BRD4: variants seen among roughly 807,000 people sequenced by gnomAD.
The protein encoded by BRD4 is bromodomain-containing protein 4.
In BRD4, 16 loss-of-function variants were observed where a neutral mutation model predicts 142.1. The ratio of observed to expected loss-of-function variants is 0.11; its 90% CI spans 0.08 to 0.17. BRD4 has a LOEUF of 0.17. Among genes scored for constraint, BRD4 ranks in the 10% least tolerant of loss-of-function variants. The pLI is 1.00. For synonymous variants in BRD4, 833 were observed against 707.5 expected (o/e 1.18, Z -2.82); for missense variants, 1,424 against 1,810.9 (o/e 0.79, Z 3.88).
Position 15,255,531 on chromosome 19 carries a change from C to T in BRD4, c.1813G>A (p.Asp605Asn), listed in dbSNP as rs781402904. 4 of 1,613,874 alleles carry T rather than the reference C, an allele frequency of 2.5e-6. No individual in the cohort carries two copies. Among genetic ancestry groups the T allele is most frequent in the South Asian group, 1.1e-5 (1 of 91,080 alleles). The change falls in exon 10 of 20, where the codon GAC (aspartate) becomes AAC (asparagine). Residue 605 changes from aspartate (D) to asparagine (N), a missense_variant. Asp to Asn is a conservative substitution (Grantham distance 23). Transcript: ENST00000679869. ...PPPTYESEEEDKCKPMSYEEK... is the reference protein window; with the variant it reads ...PPPTYESEEENKCKPMSYEEK... ...TCATAGGACATAGGCTTGCACTTGT[C>T]CTCTTCCTCCGACTCATACGTGGGA...
In BRD4 at chr19:15,238,332, C is replaced by G. The variant is rs1180608089; in HGVS notation, c.*45G>C. On this transcript the variant is annotated 3_prime_UTR_variant, in exon 20 of 20. Transcript: ENST00000679869. The surrounding 1 kb of genome is among the most constrained non-coding windows in gnomAD (Gnocchi z 7.2). ...CACCGCCCCTAACACTATGGAAAGT[C>G]AATGTTTTGCCAGAAAATCAAAGTC... 2 of 1,612,564 alleles carry G rather than the reference C, an allele frequency of 1.2e-6. No individual in the cohort carries two copies. The highest frequency in any genetic ancestry group is 1.3e-5 in the African/African-American group (1 of 74,900).
intron 1 of BRD4, among the ~76,000 whole-genome samples, chr19:15,315,777 A>G (rs2048012063): frequency 6.6e-6 from 1 of 150,726 alleles, no homozygotes; most frequent in African/African-American, 2.4e-5. Context: ...AATCACTTGA[A>G]CCCGGGAGGT....
intron 7 of BRD4, among the ~76,000 whole-genome samples, chr19:15,258,588 A>T (rs1465512728): frequency 6.6e-6 from 1 of 151,860 alleles, no homozygotes; most frequent in Non-Finnish European, 1.5e-5. Flanking sequence ...CTGGCCCAAT[A>T]ACTTTTTTCT....
chr19:15,288,630 AC>A (rs2047758024), intron 1 of BRD4, among the ~76,000 whole-genome samples: 1 of 152,188 alleles, frequency 6.6e-6, no homozygotes, highest in Non-Finnish European at 1.5e-5. Flanking sequence ...CCTTGTTTTT[AC>A]CAAAGCAGCC....
rs2047393010 is a variant in BRD4 at position 15,255,163 on chromosome 19, T to C, written c.2047+134A>G. ...TGTCACAACCTTTCGGAGGTTTCTG[T>C]GTCAAGAACACAGATATTATAATTG... On this transcript the variant is annotated intron_variant, in intron 10 of 19. Coordinates refer to ENST00000679869, the MANE Select transcript of BRD4 (RefSeq NM_001379291.1). 5 of 889,538 alleles carry C rather than the reference T, an allele frequency of 5.6e-6. No homozygotes were observed. In the East Asian group the frequency reaches 1.3e-4, roughly 24 times the overall value. 55.1% of individuals were successfully genotyped at this position (889,538 alleles called of 1,614,324 possible). A position where few individuals can be genotyped will look rare whatever the true frequency, so the allele number is the denominator to read the frequency against.
At chr19:15,328,432 A>C (rs180935982) in intron 1 of BRD4, among the ~76,000 whole-genome samples, 129 of 152,286 alleles carry the variant, frequency 8.5e-4, no homozygotes, top group African/African-American at 3.1e-3. Context: ...ACCGCACTTC[A>C]AACTGCTAAG....
At chr19:15,316,607 G>GA (rs1214839843) in intron 1 of BRD4, among the ~76,000 whole-genome samples, 7 of 152,152 alleles carry the variant, frequency 4.6e-5, no homozygotes, top group South Asian at 2.1e-4. Context: ...AAAAGAAAAA[G>GA]AAAAAGAAAA....
intron 1 of BRD4, among the ~76,000 whole-genome samples, chr19:15,302,187 T>C (rs536623487): frequency 1.3e-5 from 2 of 151,624 alleles, no homozygotes; most frequent in Admixed American, 1.3e-4. Context: ...AAGGGGAATT[T>C]TATTGCATAT....
In BRD4 at chr19:15,237,666, G is replaced by A. The variant is rs1403777618; in HGVS notation, c.*711C>T. Reference sequence around the variant, plus strand: ...AACGAAACAGAAACACAGGTGGGAAGGAACTGACTTTGGTTGGTGGCCTCA... The same window carrying A: ...AACGAAACAGAAACACAGGTGGGAAAGAACTGACTTTGGTTGGTGGCCTCA... On this transcript the variant is annotated 3_prime_UTR_variant, in exon 20 of 20. Coordinates refer to ENST00000679869, the MANE Select transcript of BRD4 (RefSeq NM_001379291.1). 4.3e-6 allele frequency: 1 copy of A among 232,296 alleles called. No homozygotes were observed. Among genetic ancestry groups the A allele is most frequent in the East Asian group, 6.0e-5 (1 of 16,538 alleles). The allele number at this position is 232,296 out of a possible 1,614,324, so 14.4% of individuals were successfully genotyped here.
Position 15,268,849 on chromosome 19 carries a change from C to T in BRD4, c.423+56G>A, listed in dbSNP as rs545738433. On this transcript the variant is annotated intron_variant, in intron 3 of 19. Coordinates refer to ENST00000679869, the MANE Select transcript of BRD4 (RefSeq NM_001379291.1). ...CACGGGCTCCTGACATGCCCACTGC[C>T]GTCGCCTCCCCTCCTCTCTCCCCAG... 1.6e-4 allele frequency: 253 copies of T among 1,598,818 alleles called. 1 individual carries two copies. In the East Asian group the frequency reaches 5.0e-3, roughly 31 times the overall value.
At chr19:15,303,006 G>A (rs1249041380) in intron 1 of BRD4, among the ~76,000 whole-genome samples, 42 of 100,096 alleles carry the variant, frequency 4.2e-4, no homozygotes, top group Non-Finnish European at 7.4e-4. Context: ...AGACTCCGTC[G>A]CAAAAAAAAA....
chr19:15,274,999 C>T (rs557803810), intron 1 of BRD4, among the ~76,000 whole-genome samples: 1 of 152,146 alleles, frequency 6.6e-6, no homozygotes, highest in East Asian at 1.9e-4. Context: ...GCTAGGATTA[C>T]AGGCGTGTGC....
At position 15,235,702 on chromosome 19, in the gene BRD4, G is replaced by A. The variant is rs995329728; in HGVS notation, c.*2675C>T. On this transcript the variant is annotated 3_prime_UTR_variant, in exon 20 of 20. Coordinates refer to ENST00000679869, the MANE Select transcript of BRD4 (RefSeq NM_001379291.1). ...AAGCGATCCGTGCATACAGTACAGTGGGGGCTTGTACACACCTCTTACTCT... is the reference window on the plus strand; with the variant it reads ...AAGCGATCCGTGCATACAGTACAGTAGGGGCTTGTACACACCTCTTACTCT... 5 of 152,176 alleles carry A rather than the reference G, an allele frequency of 3.3e-5. No homozygotes were observed. Among genetic ancestry groups the A allele is most frequent in the African/African-American group, 1.2e-4 (5 of 41,450 alleles). 9.4% of individuals were successfully genotyped at this position (152,176 alleles called of 1,614,324 possible).
At chr19:15,267,583 G>A in intron 3 of BRD4, 32 bp from the exon 4 acceptor site, 3 of 1,606,904 alleles carry the variant, frequency 1.9e-6, no homozygotes, top group Non-Finnish European at 2.5e-6. Flanking sequence ...TAGAGTCAGA[G>A]GGCCCTCCCC....
intron 5 of BRD4, 73 bp downstream of exon 5, chr19:15,265,281 G>C: frequency 7.3e-7 from 1 of 1,372,912 alleles, no homozygotes; most frequent in Non-Finnish European, 9.7e-7. Flanking sequence ...GACAGGCTCT[G>C]TGTAAAGCAC....
At chr19:15,273,995 T>C (rs1233885471) in intron 1 of BRD4, among the ~76,000 whole-genome samples, 1 of 152,214 alleles carries the variant, frequency 6.6e-6, no homozygotes, top group Non-Finnish European at 1.5e-5. Context: ...CAAACTTTTT[T>C]TGTAAATGCA....
chr19:15,239,455 TGGC>T lies in BRD4; in HGVS notation c.3510_3512del (p.Pro1172del). The T allele has an allele frequency of 6.2e-7, 1 of 1,614,076 alleles. No individual in the cohort carries two copies. Among genetic ancestry groups the T allele is most frequent in the Non-Finnish European group, 8.5e-7 (1 of 1,180,020 alleles). ...GTTTGTCCTTGTCAGGGGCCCCTGG[TGGC>T]GGTGCGTTCTGCTCTGGGGGCCGGA... On this transcript the variant is annotated inframe_deletion, in exon 17 of 20. Transcript: ENST00000679869. This position sits in a 1 kb window ranked among gnomAD's most constrained non-coding sequence, Gnocchi z 7.4.
At chr19:15,246,636 G>A (rs989607812) in intron 11 of BRD4, 5 of 152,112 alleles carry the variant, frequency 3.3e-5, no homozygotes, top group African/African-American at 1.2e-4. Context: ...AAGAGGGATG[G>A]TCACTCTAAC....
At chr19:15,303,456 C>A (rs754697497) in intron 1 of BRD4, among the ~76,000 whole-genome samples, 5 of 152,148 alleles carry the variant, frequency 3.3e-5, no homozygotes, top group Non-Finnish European at 5.9e-5. Flanking sequence ...ATTCAAAACT[C>A]CGTACTAGCT....
Sources: allele counts gnomAD v4.1 joint callset (sites outside exome capture counted in the v4.1 genomes callset), GRCh38; gene constraint gnomAD v4.1.1; non-coding constraint Gnocchi (gnomAD v3.1); transcripts MANE v1.5; gene names NCBI Gene and HGNC (gene_info 2026-07-23, HGNC 2026-07-21).